DPP6: variants seen among roughly 807,000 people sequenced by gnomAD.
DPP6 encodes the protein dipeptidyl peptidase like 6, also known as A-type potassium channel modulatory protein DPP6.
In DPP6, 69 loss-of-function variants were observed where a neutral mutation model predicts 122.6. That is an observed-to-expected ratio of 0.56 (90% confidence interval 0.46 to 0.69). The LOEUF is 0.69. Among genes scored for constraint, DPP6 ranks in the 30% least tolerant of loss-of-function variants. The pLI is 0.00. For synonymous variants in DPP6, 418 were observed against 433.1 expected, an observed-to-expected ratio of 0.97 and a Z score of 0.43; for missense variants, 928 against 1,116.9, an observed-to-expected ratio of 0.83 and a Z score of 2.41.
At chr7:154,546,046 G>T (rs1272998931) in intron 4 of DPP6, among the ~76,000 whole-genome samples, 1 of 152,140 alleles carries the variant, frequency 6.6e-6, no homozygotes, top group African/African-American at 2.4e-5. Context: ...TCTGTACAAA[G>T]TTGCAGCATT....
intron 1 of DPP6, among the ~76,000 whole-genome samples, chr7:154,351,949 T>A (rs988574176): frequency 2.0e-5 from 3 of 152,046 alleles, no homozygotes; most frequent in African/African-American, 7.2e-5. Context: ...GGAGTGAGGA[T>A]GATGACATCC....
intron 1 of DPP6, among the ~76,000 whole-genome samples, chr7:153,932,582 A>AAACAAGATT (rs1801223814): frequency 6.6e-6 from 1 of 152,226 alleles, no homozygotes; most frequent in Non-Finnish European, 1.5e-5. Flanking sequence ...TGGCAAGAAC[A>AAACAAGATT]AACAAGATTG....
At chr7:154,637,985 C>T (rs1835836643) in intron 6 of DPP6, 112 bp downstream of exon 6, 2 of 1,191,626 alleles carry the variant, frequency 1.7e-6, no homozygotes, top group Non-Finnish European at 2.3e-6. Flanking sequence ...CCAGTTCTCA[C>T]AGCCAAGGGT....
intron 2 of DPP6, among the ~76,000 whole-genome samples, chr7:154,450,928 A>G (rs1469730297): frequency 6.6e-6 from 1 of 152,222 alleles, no homozygotes; most frequent in Non-Finnish European, 1.5e-5. Flanking sequence ...TGATTACTGC[A>G]GATTCGATCT....
upstream of DPP6, among the ~76,000 whole-genome samples, chr7:153,885,683 A>C (rs1254463357): frequency 1.3e-5 from 2 of 152,178 alleles, no homozygotes; most frequent in Non-Finnish European, 2.9e-5. Flanking sequence ...CCAACAGAGA[A>C]GAGTGCTTCT....
chr7:154,156,205 G>GT (rs1796670392), intron 1 of DPP6, among the ~76,000 whole-genome samples: 1 of 152,272 alleles, frequency 6.6e-6, no homozygotes, highest in Non-Finnish European at 1.5e-5. Context: ...TCCCAGGAGA[G>GT]TGGGGAGGTG....
intron 7 of DPP6, among the ~76,000 whole-genome samples, chr7:154,678,227 C>T (rs113349166): frequency 0.018 from 2,709 of 152,292 alleles, 39 homozygotes; most frequent in Middle Eastern, 0.034. Context: ...AGCTGGCCAC[C>T]GCCGCCCAAC....
chr7:154,574,531 G>T (rs1831361459), intron 5 of DPP6, among the ~76,000 whole-genome samples: 1 of 141,386 alleles, frequency 7.1e-6, no homozygotes, highest in East Asian at 2.3e-4. Context: ...TATATGTGTG[G>T]TGTGTATGGT....
chr7:154,427,395 CT>C (rs1450178234), intron 1 of DPP6, among the ~76,000 whole-genome samples: 2 of 152,084 alleles, frequency 1.3e-5, no homozygotes, highest in Non-Finnish European at 2.9e-5. Context: ...ATTCTGTAGG[CT>C]TTCTTTTTCC....
At chr7:154,270,597 G>C (rs1261962902) in intron 1 of DPP6, among the ~76,000 whole-genome samples, 1 of 152,058 alleles carries the variant, frequency 6.6e-6, no homozygotes, top group Non-Finnish European at 1.5e-5. Flanking sequence ...GAAGCACATG[G>C]GTCTCCTTTC....
chr7:154,073,547 T>C (rs1803281502), intron 1 of DPP6, among the ~76,000 whole-genome samples: 1 of 152,240 alleles, frequency 6.6e-6, no homozygotes, highest in Non-Finnish European at 1.5e-5. Context: ...GACGAGTACT[T>C]TTCTATACTT....
chr7:154,828,641 T>A (rs1800379245), intron 16 of DPP6, among the ~76,000 whole-genome samples: 1 of 152,244 alleles, frequency 6.6e-6, no homozygotes, highest in South Asian at 2.1e-4. Flanking sequence ...CATGTTCTAG[T>A]AATCGGTATA....
chr7:154,727,673 GA>G, intron 7 of DPP6, 93 bp from the exon 8 acceptor site: 8 of 1,454,810 alleles, frequency 5.5e-6, no homozygotes, highest in Non-Finnish European at 7.3e-6. Context: ...ACAGGAAAAT[GA>G]AAACCCGGTT....
intron 1 of DPP6, among the ~76,000 whole-genome samples, chr7:154,061,738 C>A (rs1585277952): frequency 1.1e-5 from 1 of 92,828 alleles, no homozygotes; most frequent in South Asian, 3.7e-4. Flanking sequence ...CTGCGAACCT[C>A]CCCCTTTCCT....
intron 21 of DPP6, chr7:154,883,527 C>T (rs1805661269): frequency 7.0e-6 from 1 of 142,736 alleles, no homozygotes; most frequent in Admixed American, 7.0e-5. Context: ...CACATGCTCA[C>T]ACACGCTCAC....
chr7:154,851,861 C>A (rs1409680725), intron 16 of DPP6, among the ~76,000 whole-genome samples: 1 of 152,120 alleles, frequency 6.6e-6, no homozygotes, highest in Admixed American at 6.5e-5. Flanking sequence ...GAGAGGGGCA[C>A]CACGTTGGGG....
intron 1 of DPP6, among the ~76,000 whole-genome samples, chr7:154,062,300 G>A (rs1399325758): frequency 6.5e-5 from 2 of 30,896 alleles, no homozygotes; most frequent in South Asian, 1.0e-3. Flanking sequence ...CTTCCCCCCC[G>A]GCTCTGAGGA....
chr7:154,853,177 C>G (rs1802543730), intron 16 of DPP6, among the ~76,000 whole-genome samples: 1 of 152,228 alleles, frequency 6.6e-6, no homozygotes, highest in Non-Finnish European at 1.5e-5. Flanking sequence ...GCAGAGAAAA[C>G]AGATCAGGGG....
chr7:154,788,745 G>C (rs780298054), intron 10 of DPP6, among the ~76,000 whole-genome samples: 1 of 152,266 alleles, frequency 6.6e-6, no homozygotes, highest in Middle Eastern at 3.4e-3. Flanking sequence ...CTACACAGAA[G>C]TTTCGTCCTC....
Sources: gnomAD v4.1 joint callset for allele counts (sites outside exome capture counted in the v4.1 genomes callset) on GRCh38, gnomAD v4.1.1 for gene constraint, MANE v1.5 for transcripts, NCBI Gene and HGNC (gene_info 2026-07-23, HGNC 2026-07-21) for gene names.